The following EFR3B variants were observed in gnomAD, a reference collection of about 807,000 sequenced individuals.
EFR3B encodes EFR3 homolog B, also known as protein EFR3 homolog B.
In EFR3B, 64 loss-of-function variants were observed where a neutral mutation model predicts 104.7. The ratio of observed to expected loss-of-function variants is 0.61; its 90% CI spans 0.50 to 0.75. The LOEUF is 0.75. Among genes scored for constraint, EFR3B ranks in the 30% least tolerant of loss-of-function variants. The pLI, the probability that EFR3B is intolerant of heterozygous loss-of-function variation, is 0.00. For missense variants in EFR3B, 750 were observed against 1,078.5 expected (o/e 0.70, Z 4.27); for synonymous variants, 385 against 417.9 (o/e 0.92, Z 0.96).
intron 4 of EFR3B, among the ~76,000 whole-genome samples, chr2:25,111,159 G>A (rs1390710095): frequency 6.6e-6 from 1 of 152,250 alleles, no homozygotes; most frequent in African/African-American, 2.4e-5. Flanking sequence ...TATCACAGCA[G>A]GAGGCACAAA....
chr2:25,097,454 C>T (rs1322685390), intron 3 of EFR3B, among the ~76,000 whole-genome samples: 4 of 152,120 alleles, frequency 2.6e-5, no homozygotes, highest in Non-Finnish European at 4.4e-5. Flanking sequence ...TGCCGTGATG[C>T]AGGTGTCTGT....
chr2:25,145,051 GGTGA>G lies in EFR3B; in HGVS notation c.2142+4_2142+7del, dbSNP rs1354512992. 6.4e-7 allele frequency: 1 copy of G among 1,551,734 alleles called. No individual in the cohort carries two copies. The highest frequency in any genetic ancestry group is 8.7e-7 in the Non-Finnish European group (1 of 1,146,982). Reference sequence around the variant, plus strand: ...CGAGGAACAGTCCGGAGAAGGAGGAGGTGAGTGTCCGTGCCACCGTCCTGGGGCA... The same window carrying G: ...CGAGGAACAGTCCGGAGAAGGAGGAGGTGTCCGTGCCACCGTCCTGGGGCA... On this transcript the variant is annotated splice_donor_variant and splice_donor_region_variant and intron_variant, in intron 19 of 22. Coordinates refer to ENST00000403714, the MANE Select transcript of EFR3B (RefSeq NM_014971.2). LOFTEE classifies it high-confidence loss of function.
At chr2:25,103,523 C>G in intron 3 of EFR3B, 114 bp from the exon 4 acceptor site, 2 of 1,401,836 alleles carry the variant, frequency 1.4e-6, no homozygotes, top group Non-Finnish European at 9.5e-7. Flanking sequence ...GTGGGGGAGC[C>G]TCATTACCCG....
chr2:25,130,502 A>G lies in EFR3B; in HGVS notation c.771-50A>G, dbSNP rs1395043998. 6.9e-7 allele frequency: 1 copy of G among 1,456,770 alleles called. No homozygotes were observed. Among genetic ancestry groups the G allele is most frequent in the Non-Finnish European group, 9.4e-7 (1 of 1,060,644 alleles). The allele number at this position is 1,456,770 out of a possible 1,614,324, so 90.2% of individuals were successfully genotyped here. A position where few individuals can be genotyped will look rare whatever the true frequency, so the allele number is the denominator to read the frequency against. On this transcript the variant is annotated intron_variant, in intron 7 of 22. Coordinates refer to ENST00000403714, the MANE Select transcript of EFR3B (RefSeq NM_014971.2). This position sits in a 1 kb window ranked among gnomAD's most constrained non-coding sequence, Gnocchi z 4.6. ...GCCTCCAAGCTAATCTCTTCTCCCT[A>G]ACACTGCCGGGAGTTTCATAGTTGT...
chr2:25,074,768 C>G (rs1244720485), intron 1 of EFR3B, among the ~76,000 whole-genome samples: 1 of 151,618 alleles, frequency 6.6e-6, no homozygotes, highest in Admixed American at 6.6e-5. Context: ...CAGGTGCATG[C>G]ACCACATTAG....
intron 1 of EFR3B, among the ~76,000 whole-genome samples, chr2:25,084,503 T>C (rs556747463): frequency 9.2e-5 from 14 of 152,118 alleles, no homozygotes; most frequent in Admixed American, 2.0e-4. Flanking sequence ...CCTCCCAAAG[T>C]GTTGGGATTA....
intron 6 of EFR3B, among the ~76,000 whole-genome samples, chr2:25,129,318 A>ACGGGGGCGGGGGCGGGGG (rs1303797884): frequency 1.8e-4 from 8 of 45,314 alleles, no homozygotes; most frequent in South Asian, 1.9e-3. Context: ...ACTCGGGTCG[A>ACGGGGGCGGGGGCGGGGG]CGGGGGCGGG....
intron 19 of EFR3B, among the ~76,000 whole-genome samples, chr2:25,148,332 C>A (rs1350714109): frequency 6.6e-6 from 1 of 151,614 alleles, no homozygotes; most frequent in East Asian, 2.0e-4. Flanking sequence ...TGGCTCACTG[C>A]AATCTCCACC....
chr2:25,115,252 C>T (rs1669827055), intron 4 of EFR3B, among the ~76,000 whole-genome samples: 1 of 152,108 alleles, frequency 6.6e-6, no homozygotes, highest in African/African-American at 2.4e-5. Flanking sequence ...AGTAGGATGG[C>T]AGTAGGCTGG....
chr2:25,141,602 C>A (rs1162485536), intron 17 of EFR3B, among the ~76,000 whole-genome samples, 169 bp downstream of exon 17: 1 of 152,210 alleles, frequency 6.6e-6, no homozygotes, highest in South Asian at 2.1e-4. Flanking sequence ...AAGTTCAACC[C>A]CATCACATTA....
At chr2:25,084,888 T>C (rs1260671800) in intron 1 of EFR3B, among the ~76,000 whole-genome samples, 1 of 152,204 alleles carries the variant, frequency 6.6e-6, no homozygotes, top group African/African-American at 2.4e-5. Flanking sequence ...GGACTTCGAA[T>C]AGAATGGGAG....
At chr2:25,067,398 G>T (rs1307813031) in intron 1 of EFR3B, among the ~76,000 whole-genome samples, 1 of 151,596 alleles carries the variant, frequency 6.6e-6, no homozygotes, top group East Asian at 1.9e-4. Flanking sequence ...CATATCATAG[G>T]TGTTCTACAG....
In EFR3B at chr2:25,042,354, G is replaced by A; in HGVS notation, c.7+35G>A. ...GCTCCGCGCCCGGGCCCGGGCCCGC[G>A]GGGGCGACTCCGCAAACTTCCCCGG... On this transcript the variant is annotated intron_variant, in intron 1 of 22. Transcript: ENST00000403714. The surrounding 1 kb of genome is among the most constrained non-coding windows in gnomAD (Gnocchi z 5.4). 8.0e-7 allele frequency: 1 copy of A among 1,255,794 alleles called. No homozygotes were observed. The highest frequency in any genetic ancestry group is 2.8e-5 in the South Asian group (1 of 35,522). The allele number at this position is 1,255,794 out of a possible 1,614,324, so 77.8% of individuals were successfully genotyped here.
intron 4 of EFR3B, among the ~76,000 whole-genome samples, chr2:25,110,211 G>A (rs930769239): frequency 1.4e-4 from 21 of 151,594 alleles, no homozygotes; most frequent in South Asian, 4.2e-4. Context: ...CGGGGCCCTC[G>A]GGACACCCTC....
intron 1 of EFR3B, among the ~76,000 whole-genome samples, chr2:25,049,009 GA>G (rs1329722071): frequency 6.6e-6 from 1 of 152,108 alleles, no homozygotes; most frequent in African/African-American, 2.4e-5. Context: ...CCTACTAGCG[GA>G]ATTTTTCCCT....
intron 6 of EFR3B, 68 bp downstream of exon 6, chr2:25,128,400 AT>A: frequency 6.5e-7 from 1 of 1,539,356 alleles, no homozygotes; most frequent in Non-Finnish European, 8.8e-7. Flanking sequence ...TGGGAACCAC[AT>A]GGTTTGGGTT....
At position 25,143,758 on chromosome 2, in the gene EFR3B, T is replaced by G; in HGVS notation, c.1946T>G (p.Val649Gly). ...RPRLSQNLDG[V>G]VIELLFRQSK... ...AGGCTGTCTCAGAATCTTGATGGGG[T>G]GGTCATTGAGCTCCTCTTCCGCCAG... Residue 649 changes from valine (V) to glycine (G), a missense_variant, in exon 18 of 23, where the codon GTG (valine) becomes GGG (glycine). By Grantham distance (109) the Val-to-Gly change is moderately radical. Transcript: ENST00000403714. The G allele has an allele frequency of 6.4e-7, 1 of 1,551,000 alleles. No individual in the cohort carries two copies. Among genetic ancestry groups the G allele is most frequent in the Non-Finnish European group, 8.7e-7 (1 of 1,146,890 alleles).
At chr2:25,081,449 C>A in intron 1 of EFR3B, 1 of 1,438,150 alleles carries the variant, frequency 7.0e-7, no homozygotes, top group Non-Finnish European at 9.7e-7. Context: ...TAAGCTTCAT[C>A]TGGTGATTTT....
Position 25,154,007 on chromosome 2 carries a change from G to A in EFR3B, c.2349-228G>A, listed in dbSNP as rs149016970. Among the ~76,000 whole-genome samples, 32 of 152,200 alleles carry A rather than the reference G, an allele frequency of 2.1e-4. No individual in the cohort carries two copies. The highest frequency in any genetic ancestry group is 4.3e-4 in the Non-Finnish European group (29 of 67,992). On this transcript the variant is annotated intron_variant, in intron 22 of 22. Transcript: ENST00000403714. The surrounding 1 kb of genome is among the most constrained non-coding windows in gnomAD (Gnocchi z 4.1). The stretch of plus-strand genomic sequence containing the variant: ...AAAGACGCAAGAGTCCTAGTGTTCC[G>A]GGCTGGCACTTTCTAAAGCAGCAGT...
Sources: allele counts gnomAD v4.1 joint callset (sites outside exome capture counted in the v4.1 genomes callset), GRCh38; gene constraint gnomAD v4.1.1; non-coding constraint Gnocchi (gnomAD v3.1); transcripts MANE v1.5; gene names NCBI Gene and HGNC (gene_info 2026-07-23, HGNC 2026-07-21).